Variants in PCDHA4 observed in about 807,000 individuals in gnomAD.
The protein encoded by PCDHA4 is protocadherin alpha-4.
In PCDHA4, 49 loss-of-function variants were observed where a neutral mutation model predicts 61.4. The ratio of observed to expected loss-of-function variants is 0.80; its 90% CI spans 0.63 to 1.01. PCDHA4 has a LOEUF of 1.01. Among genes scored for constraint, PCDHA4 ranks in the 50% least tolerant of loss-of-function variants. The probability of loss-of-function intolerance (pLI) is 0.00; values close to 1 mark genes in which losing one functional copy is unlikely to be tolerated. For synonymous variants in PCDHA4, 590 were observed against 550.3 expected (o/e 1.07, Z -1.01); for missense variants, 1,254 against 1,235.8 (o/e 1.01, Z -0.22).
chr5:140,844,611 T>C (rs1779461835), intron 1 of PCDHA4, among the ~76,000 whole-genome samples: 1 of 149,406 alleles, frequency 6.7e-6, no homozygotes, highest in Non-Finnish European at 1.5e-5. Context: ...CTTAGAAAAA[T>C]GTTTTCATCA....
chr5:140,939,280 C>T (rs985518425), intron 1 of PCDHA4, among the ~76,000 whole-genome samples: 1 of 152,064 alleles, frequency 6.6e-6, no homozygotes, highest in Non-Finnish European at 1.5e-5. Flanking sequence ...GCTGTGCCCT[C>T]GTGATCTAAT....
intron 3 of PCDHA4, among the ~76,000 whole-genome samples, chr5:141,007,388 TAAAATAC>T (rs1451350698): frequency 1.5e-5 from 1 of 67,196 alleles, no homozygotes; most frequent in Non-Finnish European, 2.7e-5. Context: ...CCATCTCTAC[TAAAATAC>T]AAAAAAAAAA....
At chr5:140,953,948 C>A (rs1012464637) in intron 1 of PCDHA4, among the ~76,000 whole-genome samples, 2 of 152,092 alleles carry the variant, frequency 1.3e-5, no homozygotes, top group Non-Finnish European at 2.9e-5. Context: ...CATTGCTCCC[C>A]CAACAGGCCC....
At position 140,808,988 on chromosome 5, in the gene PCDHA4, T is replaced by TC. The variant is rs782041192; in HGVS notation, c.1802dup (p.Tyr603LeufsTer160). The TC allele has an allele frequency of 1.2e-6, 2 of 1,613,646 alleles. No homozygotes were observed. Among genetic ancestry groups the TC allele is most frequent in the Admixed American group, 1.7e-5 (1 of 59,990 alleles). On this transcript the variant is annotated frameshift_variant, in exon 1 of 4. Transcript: ENST00000530339. LOFTEE classifies it high-confidence loss of function. ...AAAGGTGCGCGCGGTGGATGCTGACTCGGGCTACAACGCGTGGCTTTCGTA... is the reference window on the plus strand; with the variant it reads ...AAAGGTGCGCGCGGTGGATGCTGACTCCGGGCTACAACGCGTGGCTTTCGTA...
chr5:140,902,822 C>T (rs1239042138), intron 1 of PCDHA4, among the ~76,000 whole-genome samples: 4 of 151,576 alleles, frequency 2.6e-5, no homozygotes, highest in Admixed American at 2.0e-4. Context: ...ATTTGGTTTT[C>T]GATTTCTGAG....
chr5:140,993,462 TCACACACACACA>T (rs3836747), intron 3 of PCDHA4, among the ~76,000 whole-genome samples: 1,999 of 141,038 alleles, frequency 0.014, 48 homozygotes, highest in African/African-American at 0.047. Context: ...TCTTTCTTTC[TCACACACACACA>T]CACACACACA....
intron 1 of PCDHA4, chr5:140,823,247 A>G: frequency 6.2e-7 from 1 of 1,613,366 alleles, no homozygotes; most frequent in Non-Finnish European, 8.5e-7. Context: ...CTGGTGTCCT[A>G]CTCGCTGGTG....
chr5:140,853,323 A>T (rs191492772), intron 1 of PCDHA4: 1 of 984,966 alleles, frequency 1.0e-6, no homozygotes, highest in African/African-American at 1.8e-5. Context: ...TAATAAATTT[A>T]TCTTTTGAGG....
At position 140,927,644 on chromosome 5, in the gene PCDHA4, T is replaced by C. The variant is rs370145398; in HGVS notation, c.2386-51305T>C. On this transcript the variant is annotated intron_variant, in intron 1 of 3. Coordinates refer to ENST00000530339, the MANE Select transcript of PCDHA4 (RefSeq NM_018907.4). The stretch of plus-strand genomic sequence containing the variant: ...CCAGAGACTGCACCCAATGGGACTG[T>C]GTTATTCCGAGTTCAAGCCTTGGAT... The C allele has an allele frequency of 4.6e-5, 74 of 1,614,028 alleles. 1 individual carries two copies. Among genetic ancestry groups the C allele is most frequent in the Non-Finnish European group, 5.8e-5 (68 of 1,180,020 alleles).
chr5:140,855,491 A>G (rs251361), intron 1 of PCDHA4, among the ~76,000 whole-genome samples: 72,952 of 149,084 alleles, frequency 0.49, 20,776 homozygotes, highest in South Asian at 0.61. Flanking sequence ...TTAGTGTCTA[A>G]ATAAACCTTA....
chr5:140,955,452 G>C (rs921510611), intron 1 of PCDHA4, among the ~76,000 whole-genome samples: 3 of 152,024 alleles, frequency 2.0e-5, no homozygotes, highest in Non-Finnish European at 4.4e-5. Context: ...TTTTATAAGG[G>C]CTTTTTCCTT....
chr5:140,996,232 T>C (rs1054290986), intron 3 of PCDHA4, among the ~76,000 whole-genome samples: 13 of 152,302 alleles, frequency 8.5e-5, no homozygotes, highest in South Asian at 4.1e-4. Flanking sequence ...AAATGGTTGC[T>C]CAAGGCTGAG....
rs2150392159 is a variant in PCDHA4, at chr5:140,846,538, C to T, written c.2385+36966C>T. ...TACAGGTGCATGCCACCATGCCCTG[C>T]TAATTTTTTGTATTTTTAGTAGAGT... On this transcript the variant is annotated intron_variant, in intron 1 of 3. Transcript: ENST00000530339. Among the ~76,000 whole-genome samples the T allele has an allele frequency of 2.0e-4, 30 of 148,498 alleles. 2 individuals are homozygous for T. The highest frequency in any genetic ancestry group is 4.1e-4 in the Admixed American group (6 of 14,814).
intron 1 of PCDHA4, among the ~76,000 whole-genome samples, chr5:140,832,809 G>A (rs1166207939): frequency 6.6e-6 from 1 of 152,088 alleles, no homozygotes; most frequent in African/African-American, 2.4e-5. Flanking sequence ...ATTGGAATTG[G>A]AAAAAAATCT....
At chr5:140,822,322 A>G (rs886575240) in intron 1 of PCDHA4, 2 of 1,614,208 alleles carry the variant, frequency 1.2e-6, no homozygotes, top group Admixed American at 1.7e-5. Flanking sequence ...AGATGTTAAA[A>G]CAAATGAAGA....
chr5:140,839,881 A>G (rs1399090183), intron 1 of PCDHA4, among the ~76,000 whole-genome samples: 4 of 152,040 alleles, frequency 2.6e-5, no homozygotes, highest in African/African-American at 9.7e-5. Flanking sequence ...GATGAATAGA[A>G]TTTTGACAGA....
Position 140,808,403 on chromosome 5 carries a change from T to C in PCDHA4, c.1216T>C (p.Ser406Pro), listed in dbSNP as rs1190545218. The change falls in exon 1 of 4, where the codon TCG becomes CCG. Residue 406 changes from serine to proline, a missense_variant. Physicochemically the swap from Ser to Pro is moderately conservative, Grantham distance 74. Coordinates refer to ENST00000530339, the MANE Select transcript of PCDHA4 (RefSeq NM_018907.4). ...KLVSTFKNYY[S>P]LVLDSALDRE... ...GGTGTCCACCTTCAAGAATTACTAC[T>C]CGTTGGTGCTGGACAGTGCCCTGGA... 5 of 1,614,036 alleles carry C rather than the reference T, an allele frequency of 3.1e-6. No homozygotes were observed. Among genetic ancestry groups the C allele is most frequent in the Non-Finnish European group, 4.2e-6 (5 of 1,180,052 alleles).
At chr5:140,951,751 C>T (rs1206749897) in intron 1 of PCDHA4, among the ~76,000 whole-genome samples, 2 of 152,112 alleles carry the variant, frequency 1.3e-5, no homozygotes, top group Non-Finnish European at 2.9e-5. Flanking sequence ...CCTCACCCTC[C>T]GCGAAATCTC....
At chr5:140,835,828 C>T (rs2150246076) in intron 1 of PCDHA4, 2 of 1,612,490 alleles carry the variant, frequency 1.2e-6, no homozygotes, top group South Asian at 1.1e-5. Context: ...GCGGGGGACG[C>T]GGACGCGCAG....
Sources: allele counts gnomAD v4.1 joint callset (sites outside exome capture counted in the v4.1 genomes callset), GRCh38; gene constraint gnomAD v4.1.1; transcripts MANE v1.5; gene names NCBI Gene and HGNC (gene_info 2026-07-23, HGNC 2026-07-21).